Variants in CREB5 observed in about 807,000 individuals in gnomAD.
CREB5 encodes the protein cyclic AMP-responsive element-binding protein 5.
A neutral mutation model predicts 57.1 loss-of-function variants in CREB5; 19 were observed. The ratio of observed to expected loss-of-function variants is 0.33; its 90% CI spans 0.23 to 0.49. The LOEUF is 0.49. CREB5 is among the 20% of genes least tolerant of loss of function. CREB5 has a pLI of 0.99. For missense variants in CREB5, 579 were observed against 671.6 expected (o/e 0.86, Z 1.52); for synonymous variants, 238 against 238.3 (o/e 1.00, Z 0.01).
intron 1 of CREB5, among the ~76,000 whole-genome samples, chr7:28,426,062 G>A (rs1295998223): frequency 6.6e-6 from 1 of 152,154 alleles, no homozygotes; most frequent in African/African-American, 2.4e-5. Flanking sequence ...TCTGGACTCT[G>A]CCTTAGCAGT....
At chr7:28,317,314 A>T (rs973525119) in intron 1 of CREB5, among the ~76,000 whole-genome samples, 5 of 152,206 alleles carry the variant, frequency 3.3e-5, no homozygotes, top group African/African-American at 2.4e-5. Flanking sequence ...TTTGAATCAG[A>T]GGTGGATTTC....
At chr7:28,401,919 A>G (rs957609113) in intron 1 of CREB5, among the ~76,000 whole-genome samples, 3 of 152,216 alleles carry the variant, frequency 2.0e-5, no homozygotes, top group East Asian at 1.9e-4. Flanking sequence ...TCCTTTTGGT[A>G]TATACCCAGT....
chr7:28,434,244 T>A (rs1315357008), intron 1 of CREB5, among the ~76,000 whole-genome samples: 1 of 152,150 alleles, frequency 6.6e-6, no homozygotes, highest in African/African-American at 2.4e-5. Context: ...ACAATGGAGA[T>A]AATAATACCT....
intron 7 of CREB5, among the ~76,000 whole-genome samples, chr7:28,755,341 A>G (rs1011405066): frequency 1.3e-5 from 2 of 152,240 alleles, no homozygotes; most frequent in Non-Finnish European, 2.9e-5. Flanking sequence ...TGCTGAAGAT[A>G]CAAACTCTGG....
At chr7:28,329,789 G>C (rs1449880048) in intron 1 of CREB5, among the ~76,000 whole-genome samples, 1 of 152,206 alleles carries the variant, frequency 6.6e-6, no homozygotes, top group Non-Finnish European at 1.5e-5. Flanking sequence ...ACAGGACAGA[G>C]GGGCATGAAT....
At chr7:28,559,226 G>A (rs1794984405) in intron 4 of CREB5, among the ~76,000 whole-genome samples, 1 of 152,198 alleles carries the variant, frequency 6.6e-6, no homozygotes, top group African/African-American at 2.4e-5. Context: ...CAGACACATG[G>A]CAAATTGAGG....
intron 4 of CREB5, among the ~76,000 whole-genome samples, chr7:28,520,158 G>T (rs987069429): frequency 6.6e-6 from 1 of 152,202 alleles, no homozygotes; most frequent in Non-Finnish European, 1.5e-5. Context: ...TTCATCAAAG[G>T]CTAAGTAGGT....
intron 5 of CREB5, among the ~76,000 whole-genome samples, chr7:28,611,768 G>T (rs1295475246): frequency 6.6e-6 from 1 of 151,682 alleles, no homozygotes; most frequent in African/African-American, 2.4e-5. Context: ...AACTACAAAT[G>T]GGGAAAGGGA....
At chr7:28,730,701 ACAT>A (rs1249368367) in intron 7 of CREB5, among the ~76,000 whole-genome samples, 1 of 152,156 alleles carries the variant, frequency 6.6e-6, no homozygotes, top group Non-Finnish European at 1.5e-5. Context: ...GCTTCCATGT[ACAT>A]CATATTGTTG....
At chr7:28,340,265 T>C (rs1450413973) in intron 1 of CREB5, among the ~76,000 whole-genome samples, 1 of 152,236 alleles carries the variant, frequency 6.6e-6, no homozygotes, top group Non-Finnish European at 1.5e-5. Flanking sequence ...AAAGCCAGCA[T>C]GGCTCTGAGT....
intron 4 of CREB5, among the ~76,000 whole-genome samples, chr7:28,552,847 A>G (rs765896877): frequency 2.0e-5 from 3 of 152,210 alleles, no homozygotes; most frequent in Non-Finnish European, 2.9e-5. Context: ...GGTAGGCATG[A>G]TCCTGGAAAT....
Position 28,804,291 on chromosome 7 carries a change from G to T in CREB5, c.795G>T (p.Arg265=). 6.2e-7 allele frequency: 1 copy of T among 1,614,002 alleles called. No individual in the cohort carries two copies. The highest frequency in any genetic ancestry group is 8.5e-7 in the Non-Finnish European group (1 of 1,179,982). ...ACATGATGGAGATGATGGGCTCCCG[G>T]CAGGACCAGACGCCACACCATCACA... ...MGHMMEMMGS[R]QDQTPHHHMH... Residue 265 remains arginine, a synonymous_variant, in exon 8 of 11, where the codon CGG becomes CGT. Transcript: ENST00000357727.
At chr7:28,685,488 GA>G (rs879356179) in intron 5 of CREB5, among the ~76,000 whole-genome samples, 2 of 151,896 alleles carry the variant, frequency 1.3e-5, no homozygotes, top group Non-Finnish European at 2.9e-5. Context: ...CCAGCTCCAG[GA>G]AAAAAGGGCC....
At chr7:28,322,556 C>G (rs1785511840) in intron 1 of CREB5, among the ~76,000 whole-genome samples, 1 of 152,070 alleles carries the variant, frequency 6.6e-6, no homozygotes, top group Admixed American at 6.6e-5. Context: ...CTTTAACCCC[C>G]TAATACATTA....
chr7:28,681,866 T>C (rs575964587), intron 5 of CREB5, among the ~76,000 whole-genome samples: 1 of 152,334 alleles, frequency 6.6e-6, no homozygotes, highest in East Asian at 1.9e-4. Context: ...CAGACATTGG[T>C]TTAGGTTTAA....
At chr7:28,523,132 T>C (rs1486645716) in intron 4 of CREB5, among the ~76,000 whole-genome samples, 2 of 152,206 alleles carry the variant, frequency 1.3e-5, no homozygotes, top group Non-Finnish European at 2.9e-5. Context: ...CACGCTTGGG[T>C]GAGCACTGCC....
chr7:28,686,157 T>C (rs1422771050), intron 5 of CREB5: 2 of 1,613,914 alleles, frequency 1.2e-6, no homozygotes, highest in Non-Finnish European at 1.7e-6. Context: ...TCTCATGTTC[T>C]GCACCTCAGG....
intron 5 of CREB5, among the ~76,000 whole-genome samples, chr7:28,683,089 G>A (rs906609989): frequency 8.5e-5 from 13 of 152,108 alleles, no homozygotes; most frequent in Admixed American, 3.9e-4. Context: ...CCTGTTGGCC[G>A]GGGGCTACTT....
intron 1 of CREB5, among the ~76,000 whole-genome samples, chr7:28,339,392 C>T (rs1785889555): frequency 6.6e-6 from 1 of 152,164 alleles, no homozygotes; most frequent in Non-Finnish European, 1.5e-5. Flanking sequence ...TTTAGAGATA[C>T]CAGTTTGGTG....
Sources: gnomAD v4.1 joint callset for allele counts (sites outside exome capture counted in the v4.1 genomes callset) on GRCh38, gnomAD v4.1.1 for gene constraint, MANE v1.5 for transcripts, NCBI Gene and HGNC (gene_info 2026-07-23, HGNC 2026-07-21) for gene names.